The following SLC24A2 variants were observed in gnomAD, a reference collection of about 807,000 sequenced individuals.
The protein encoded by SLC24A2 is solute carrier family 24 member 2, also known as sodium/potassium/calcium exchanger 2.
A neutral mutation model predicts 62.0 loss-of-function variants in SLC24A2; 36 were observed. That is an observed-to-expected ratio of 0.58 (90% CI 0.44 to 0.77). The LOEUF (loss-of-function observed/expected upper bound fraction) is 0.77. Among genes scored for constraint, SLC24A2 ranks in the 30% least tolerant of loss-of-function variants. SLC24A2 has a pLI of 0.00. For synonymous variants in SLC24A2, 358 were observed against 294.0 expected, an observed-to-expected ratio of 1.22 and a Z score of -2.23; for missense variants, 846 against 817.9, an observed-to-expected ratio of 1.03 and a Z score of -0.42.
the SLC24A2 span, among the ~76,000 whole-genome samples, chr9:19,800,336 TC>T: frequency 6.6e-6 from 1 of 152,198 alleles, no homozygotes; most frequent in Non-Finnish European, 1.5e-5. Context: ...CCTTTCCTAC[TC>T]TATTAGTCTA....
chr9:19,800,662 T>G, the SLC24A2 span, among the ~76,000 whole-genome samples: 1 of 152,068 alleles, frequency 6.6e-6, no homozygotes, highest in Non-Finnish European at 1.5e-5. Context: ...AAGACTACCT[T>G]TTTTTTTCAA....
chr9:19,870,662 C>T, the SLC24A2 span, among the ~76,000 whole-genome samples: 239 of 152,212 alleles, frequency 1.6e-3, 2 homozygotes, highest in South Asian at 6.8e-3. Flanking sequence ...AACATTCTCA[C>T]CAGTACTTGT....
At chr9:20,242,703 G>T in the SLC24A2 span, among the ~76,000 whole-genome samples, 444 of 152,264 alleles carry the variant, frequency 2.9e-3, 2 homozygotes, top group African/African-American at 0.01. Flanking sequence ...AAATAGCTGC[G>T]GTTAAAACAT....
chr9:19,534,556 G>A (rs899593893), intron 8 of SLC24A2, among the ~76,000 whole-genome samples: 2 of 151,740 alleles, frequency 1.3e-5, no homozygotes, highest in African/African-American at 4.8e-5. Flanking sequence ...CCCTCCCCGG[G>A]TCCATGTTAT....
chr9:20,054,736 A>G, the SLC24A2 span, among the ~76,000 whole-genome samples: 1 of 152,212 alleles, frequency 6.6e-6, no homozygotes, highest in Admixed American at 6.5e-5. Flanking sequence ...GAAATCTCCA[A>G]TTGCACTGCA....
At chr9:19,535,143 G>A (rs1833896369) in intron 8 of SLC24A2, among the ~76,000 whole-genome samples, 1 of 152,062 alleles carries the variant, frequency 6.6e-6, no homozygotes, top group Non-Finnish European at 1.5e-5. Context: ...TTTGCTGGCT[G>A]CATAAATGTC....
chr9:20,295,279 G>C, the SLC24A2 span, among the ~76,000 whole-genome samples: 1 of 152,110 alleles, frequency 6.6e-6, no homozygotes, highest in Admixed American at 6.5e-5. Flanking sequence ...AATCCTAGGG[G>C]AGAGATTAGT....
the SLC24A2 span, among the ~76,000 whole-genome samples, chr9:19,810,627 G>T: frequency 6.6e-6 from 1 of 152,296 alleles, no homozygotes; most frequent in African/African-American, 2.4e-5. Context: ...TGAAGAAAGA[G>T]AGCTGATTCA....
At chr9:20,083,848 T>C in the SLC24A2 span, among the ~76,000 whole-genome samples, 1 of 152,224 alleles carries the variant, frequency 6.6e-6, no homozygotes, top group Admixed American at 6.5e-5. Flanking sequence ...CTTTAGGAGT[T>C]CAGGCTCTCA....
the SLC24A2 span, among the ~76,000 whole-genome samples, chr9:19,818,001 G>A: frequency 1.3e-4 from 20 of 152,132 alleles, no homozygotes; most frequent in East Asian, 2.7e-3. Flanking sequence ...TCCCACTTTA[G>A]CCTCCCAAAG....
the SLC24A2 span, among the ~76,000 whole-genome samples, chr9:20,071,608 T>C: frequency 6.6e-6 from 1 of 152,174 alleles, no homozygotes; most frequent in African/African-American, 2.4e-5. Flanking sequence ...GGAAAAACTC[T>C]CTCAAACCAT....
chr9:19,990,706 T>C, the SLC24A2 span, among the ~76,000 whole-genome samples: 36 of 150,888 alleles, frequency 2.4e-4, no homozygotes, highest in African/African-American at 8.5e-4. Context: ...ATACCTTAAA[T>C]TGCATGTCAT....
At chr9:19,589,143 A>G (rs549169528) in intron 5 of SLC24A2, among the ~76,000 whole-genome samples, 1 of 152,354 alleles carries the variant, frequency 6.6e-6, no homozygotes, top group South Asian at 2.1e-4. Flanking sequence ...ACTCAGTAGA[A>G]TTTGCTCAAT....
chr9:19,695,105 G>A (rs1820149756), intron 2 of SLC24A2, among the ~76,000 whole-genome samples: 1 of 152,016 alleles, frequency 6.6e-6, no homozygotes, highest in African/African-American at 2.4e-5. Context: ...AGGGGTTAGA[G>A]ACATTTTTGA....
At chr9:19,682,153 AT>A (rs909970809) in intron 2 of SLC24A2, among the ~76,000 whole-genome samples, 2 of 152,030 alleles carry the variant, frequency 1.3e-5, no homozygotes, top group African/African-American at 4.8e-5. Flanking sequence ...TTATGTGAAC[AT>A]TTTTTCCAGA....
At chr9:20,126,809 TG>T in the SLC24A2 span, among the ~76,000 whole-genome samples, 1 of 152,160 alleles carries the variant, frequency 6.6e-6, no homozygotes, top group African/African-American at 2.4e-5. Flanking sequence ...AGGAACAGAA[TG>T]TGTGTAGGAG....
chr9:19,791,633 A>G (rs1823321605), upstream of SLC24A2, among the ~76,000 whole-genome samples: 1 of 152,228 alleles, frequency 6.6e-6, no homozygotes, highest in Admixed American at 6.5e-5. Context: ...AGGGCCTGTC[A>G]TTTGTCCAAA....
At chr9:20,202,588 A>G in the SLC24A2 span, among the ~76,000 whole-genome samples, 1 of 152,130 alleles carries the variant, frequency 6.6e-6, no homozygotes, top group Non-Finnish European at 1.5e-5. Context: ...AAATAGAAAG[A>G]CAAAAGAAGA....
At chr9:19,570,221 T>C (rs1419501173) in intron 7 of SLC24A2, among the ~76,000 whole-genome samples, 2 of 152,268 alleles carry the variant, frequency 1.3e-5, no homozygotes, top group African/African-American at 2.4e-5. Flanking sequence ...CCTCACCTTG[T>C]ATTTTAGGCT....
Sources: gnomAD v4.1 joint callset for allele counts (sites outside exome capture counted in the v4.1 genomes callset) on GRCh38, gnomAD v4.1.1 for gene constraint, MANE v1.5 for transcripts, NCBI Gene and HGNC (gene_info 2026-07-23, HGNC 2026-07-21) for gene names.